The following DOCK2 variants were observed in gnomAD, a reference collection of about 807,000 sequenced individuals.
DOCK2 encodes the protein dedicator of cytokinesis protein 2.
In DOCK2, 87 loss-of-function variants were observed where a neutral mutation model predicts 248.9. The observed-to-expected ratio is 0.35, with a 90% CI of 0.29 to 0.42. The LOEUF (loss-of-function observed/expected upper bound fraction) is 0.42. DOCK2 is among the 10% of genes least tolerant of loss of function. The probability of loss-of-function intolerance (pLI) is 1.00; values close to 1 mark genes in which losing one functional copy is unlikely to be tolerated. For missense variants in DOCK2, 1,747 were observed against 2,300.2 expected, an observed-to-expected ratio of 0.76 and a Z score of 4.92; for synonymous variants, 805 against 821.6, an observed-to-expected ratio of 0.98 and a Z score of 0.35.
intron 35 of DOCK2, among the ~76,000 whole-genome samples, chr5:170,034,840 A>G (rs1756268138): frequency 6.6e-6 from 1 of 152,202 alleles, no homozygotes; most frequent in East Asian, 1.9e-4. Context: ...TAGACTGGCT[A>G]AGAGTATGAG....
intron 27 of DOCK2, among the ~76,000 whole-genome samples, chr5:169,927,105 A>G (rs539424458): frequency 6.6e-6 from 1 of 152,362 alleles, no homozygotes; most frequent in East Asian, 1.9e-4. Flanking sequence ...GGGAAGAGCA[A>G]AAGAGCAGAA....
intron 23 of DOCK2, among the ~76,000 whole-genome samples, chr5:169,750,650 T>TG (rs760967871): frequency 2.0e-5 from 3 of 152,226 alleles, no homozygotes; most frequent in Admixed American, 1.3e-4. Flanking sequence ...GTTTGTTGGT[T>TG]TGTTCTCATA....
intron 1 of DOCK2, among the ~76,000 whole-genome samples, chr5:169,637,700 G>A (rs1014717380): frequency 1.3e-5 from 2 of 152,184 alleles, no homozygotes; most frequent in African/African-American, 4.8e-5. Context: ...CTCGCCGCGT[G>A]GGAGACTTGG....
At chr5:169,780,295 ATGTGTGTGTGTGTGTGTG>A (rs3138738) in intron 25 of DOCK2, among the ~76,000 whole-genome samples, 10 of 137,692 alleles carry the variant, frequency 7.3e-5, no homozygotes, top group Admixed American at 5.0e-4. Context: ...AACCCAATAA[ATGTGTGTGTGTGTGTGTG>A]TGTGTGTGTG....
intron 27 of DOCK2, among the ~76,000 whole-genome samples, chr5:169,889,101 G>T (rs371096901): frequency 2.6e-5 from 4 of 152,156 alleles, no homozygotes; most frequent in South Asian, 2.1e-4. Flanking sequence ...CACAGAGAGG[G>T]TCTTATATAA....
intron 8 of DOCK2, among the ~76,000 whole-genome samples, chr5:169,688,588 A>G (rs1382400456): frequency 2.0e-5 from 3 of 152,152 alleles, no homozygotes; most frequent in Non-Finnish European, 2.9e-5. Context: ...TCTGATGAAC[A>G]TTTCCTTTGA....
rs1236825456 is a variant in DOCK2, at chr5:169,700,046, G to T, written c.1165G>T (p.Asp389Tyr). 3 of 1,614,030 alleles carry T rather than the reference G, an allele frequency of 1.9e-6. No homozygotes were observed. The highest frequency in any genetic ancestry group is 2.2e-5 in the South Asian group (2 of 91,062). ...LWVTMKMLVG[D>Y]IIQIRKDYPH... The stretch of plus-strand genomic sequence containing the variant: ...GGTGACCATGAAGATGCTGGTGGGT[G>T]ACATCATTCAGATTCGCAAGGACTA... Residue 389 changes from aspartate (D) to tyrosine (Y), a missense_variant, in exon 13 of 52, where the codon GAC becomes TAC. Around this residue, in one of 4 missense-constraint regions of DOCK2, gnomAD observed 375 missense variants for 510.9 expected, o/e 0.73. Transcript: ENST00000520908.
intron 27 of DOCK2, among the ~76,000 whole-genome samples, chr5:169,920,243 T>C (rs1775099777): frequency 6.6e-6 from 1 of 152,134 alleles, no homozygotes; most frequent in Admixed American, 6.5e-5. Context: ...ACCATAATAA[T>C]GATTATGCAG....
At chr5:169,998,002 G>A (rs1444735805) in intron 30 of DOCK2, 5 of 456,202 alleles carry the variant, frequency 1.1e-5, no homozygotes, top group African/African-American at 1.0e-4. Flanking sequence ...ATGTGACGAA[G>A]GGCTTGCTGG....
intron 32 of DOCK2, among the ~76,000 whole-genome samples, chr5:170,017,965 G>A (rs1755592253): frequency 6.6e-6 from 1 of 152,182 alleles, no homozygotes; most frequent in South Asian, 2.1e-4. Context: ...GTAGGAGCTG[G>A]AAAATTTATT....
chr5:169,861,814 C>T (rs1053692378), intron 27 of DOCK2, among the ~76,000 whole-genome samples: 15 of 152,136 alleles, frequency 9.9e-5, no homozygotes, highest in African/African-American at 3.6e-4. Flanking sequence ...AACTCCTTCC[C>T]AGTTTCAGGT....
intron 36 of DOCK2, among the ~76,000 whole-genome samples, chr5:170,040,354 G>T (rs1250283623): frequency 6.6e-6 from 1 of 152,144 alleles, no homozygotes; most frequent in Non-Finnish European, 1.5e-5. Context: ...CCATCTCATG[G>T]TTCATAACTG....
chr5:169,645,911 G>T (rs1477215309), intron 1 of DOCK2, among the ~76,000 whole-genome samples: 1 of 151,786 alleles, frequency 6.6e-6, no homozygotes, highest in Non-Finnish European at 1.5e-5. Context: ...CACCACGCCC[G>T]GCTAATTTTT....
At chr5:169,751,461 G>T (rs1266259623) in intron 23 of DOCK2, among the ~76,000 whole-genome samples, 1 of 152,190 alleles carries the variant, frequency 6.6e-6, no homozygotes, top group African/African-American at 2.4e-5. Context: ...ATAAGTGCTG[G>T]CTGGGTGCAG....
At chr5:169,945,497 A>G (rs1776409978) in intron 27 of DOCK2, among the ~76,000 whole-genome samples, 1 of 152,268 alleles carries the variant, frequency 6.6e-6, no homozygotes, top group Non-Finnish European at 1.5e-5. Flanking sequence ...AACACTTTGT[A>G]TGTGTTGTCT....
chr5:169,836,465 G>C (rs1025613814), intron 26 of DOCK2, among the ~76,000 whole-genome samples: 13 of 152,174 alleles, frequency 8.5e-5, no homozygotes, highest in African/African-American at 3.1e-4. Flanking sequence ...AACATTTCTA[G>C]TTTCTAATCA....
chr5:170,056,247 C>T (rs1340399398), intron 42 of DOCK2, among the ~76,000 whole-genome samples: 1 of 152,200 alleles, frequency 6.6e-6, no homozygotes, highest in Non-Finnish European at 1.5e-5. Flanking sequence ...GCACGGTGTT[C>T]TGCTGGCCCT....
intron 27 of DOCK2, chr5:169,883,772 C>T: frequency 6.4e-7 from 1 of 1,551,616 alleles, no homozygotes. Context: ...TTAGTGGTCC[C>T]ATCTTCCTTG....
intron 27 of DOCK2, chr5:169,884,009 C>T (rs190564731): frequency 5.8e-4 from 627 of 1,083,930 alleles, no homozygotes; most frequent in Admixed American, 1.3e-3. Flanking sequence ...AACTGCTGGC[C>T]AGGATGGAGT....
Sources: allele counts gnomAD v4.1 joint callset (sites outside exome capture counted in the v4.1 genomes callset), GRCh38; gene constraint gnomAD v4.1.1; regional missense constraint gnomAD v4.1.1; transcripts MANE v1.5; gene names NCBI Gene and HGNC (gene_info 2026-07-23, HGNC 2026-07-21).